NAALADL2: variants seen among roughly 807,000 people sequenced by gnomAD.
NAALADL2 encodes N-acetylated alpha-linked acidic dipeptidase like 2, also known as inactive N-acetylated-alpha-linked acidic dipeptidase-like protein 2.
NAALADL2 carries 76 observed loss-of-function variants against 87.2 expected under a neutral mutation model. That is an observed-to-expected ratio of 0.87 (90% CI 0.72 to 1.05). The LOEUF (loss-of-function observed/expected upper bound fraction) is 1.05, where lower values mean the gene tolerates loss of function less well. Ranked by LOEUF, NAALADL2 falls within the 50% of genes least tolerant of loss-of-function variation. NAALADL2 has a pLI of 0.00. For synonymous variants in NAALADL2, 354 were observed against 331.0 expected (o/e 1.07, Z -0.75); for missense variants, 1,089 against 945.8 (o/e 1.15, Z -1.99).
At chr3:174,900,258 G>A (rs550562912) in intron 1 of NAALADL2, among the ~76,000 whole-genome samples, 1 of 152,050 alleles carries the variant, frequency 6.6e-6, no homozygotes, top group African/African-American at 2.4e-5. Context: ...TCACAAAATT[G>A]GGTAGATATA....
At chr3:175,795,449 G>A (rs1753338666) in intron 13 of NAALADL2, among the ~76,000 whole-genome samples, 1 of 151,792 alleles carries the variant, frequency 6.6e-6, no homozygotes, top group Non-Finnish European at 1.5e-5. Flanking sequence ...CGAGGTAAGT[G>A]GATCACGAGG....
chr3:175,376,520 G>T (rs1225856015), intron 5 of NAALADL2, among the ~76,000 whole-genome samples: 1 of 152,050 alleles, frequency 6.6e-6, no homozygotes, highest in African/African-American at 2.4e-5. Flanking sequence ...GAAAGCAACT[G>T]TTTTATTCAG....
intron 1 of NAALADL2, among the ~76,000 whole-genome samples, chr3:174,461,913 A>AC (rs1209174939): frequency 6.6e-6 from 1 of 152,072 alleles, no homozygotes; most frequent in African/African-American, 2.4e-5. Flanking sequence ...AACACAAGTA[A>AC]CTTATCATCT....
In NAALADL2 at chr3:175,810,496, AATGTT is replaced by A. The variant is rs781779915; in HGVS notation, c.*7295_*7299del. On this transcript the variant is annotated 3_prime_UTR_variant, in exon 14 of 14. Transcript: ENST00000454872. ...ATAATTTTCATGAGTTTGTACGTGA[AATGTT>A]AATGTTTAAAACACCCATTTTGAAA... 12 of 151,882 alleles carry A rather than the reference AATGTT, an allele frequency of 7.9e-5. No individual in the cohort carries two copies. Among genetic ancestry groups the A allele is most frequent in the Admixed American group, 1.3e-4 (2 of 15,026 alleles). 9.4% of individuals were successfully genotyped at this position (151,882 alleles called of 1,614,324 possible).
intron 1 of NAALADL2, among the ~76,000 whole-genome samples, chr3:175,050,824 A>G (rs905121515): frequency 6.6e-6 from 1 of 152,204 alleles, no homozygotes; most frequent in East Asian, 1.9e-4. Context: ...ATGAGTGCAC[A>G]TAAGAGTTAA....
At chr3:174,661,482 C>T (rs1725497622) in intron 2 of NAALADL2, among the ~76,000 whole-genome samples, 1 of 152,058 alleles carries the variant, frequency 6.6e-6, no homozygotes, top group Non-Finnish European at 1.5e-5. Context: ...GGAACACTAC[C>T]TAAAAAGGAC....
chr3:174,609,509 A>T (rs946739005), intron 2 of NAALADL2, among the ~76,000 whole-genome samples: 17 of 152,282 alleles, frequency 1.1e-4, no homozygotes, highest in African/African-American at 3.9e-4. Context: ...AAGCATTCTT[A>T]TACACCAATA....
At chr3:174,477,086 A>C (rs1717263421) in intron 1 of NAALADL2, among the ~76,000 whole-genome samples, 1 of 152,032 alleles carries the variant, frequency 6.6e-6, no homozygotes, top group South Asian at 2.1e-4. Flanking sequence ...AACAAGTGTG[A>C]AACTCTGTCT....
At chr3:174,847,694 G>T (rs937550924) in intron 3 of NAALADL2, among the ~76,000 whole-genome samples, 4 of 151,866 alleles carry the variant, frequency 2.6e-5, no homozygotes, top group African/African-American at 9.7e-5. Flanking sequence ...CCATTTTATG[G>T]ATGATGAAAC....
chr3:174,665,068 T>C (rs1288195695), intron 2 of NAALADL2, among the ~76,000 whole-genome samples: 2 of 152,188 alleles, frequency 1.3e-5, no homozygotes, highest in East Asian at 3.9e-4. Flanking sequence ...AAACTCAGTC[T>C]TGTGGAAATT....
At chr3:175,148,082 AATGATAATG>A (rs1250231599) in intron 2 of NAALADL2, among the ~76,000 whole-genome samples, 1 of 83,976 alleles carries the variant, frequency 1.2e-5, no homozygotes, top group Non-Finnish European at 2.9e-5. Flanking sequence ...AAATAATAAT[AATGATAATG>A]ATAATAATAA....
chr3:174,972,996 C>CAAA (rs368649970), intron 1 of NAALADL2, among the ~76,000 whole-genome samples: 35 of 127,798 alleles, frequency 2.7e-4, no homozygotes, highest in African/African-American at 7.9e-4. Flanking sequence ...AACTCTGTCT[C>CAAA]AAAAAAAAAA....
At chr3:174,965,784 C>T (rs933635794) in intron 1 of NAALADL2, among the ~76,000 whole-genome samples, 1 of 151,926 alleles carries the variant, frequency 6.6e-6, no homozygotes, top group Non-Finnish European at 1.5e-5. Flanking sequence ...TACACAGTCA[C>T]ATAGAGTGGA....
chr3:174,690,519 G>C (rs1411426977), intron 2 of NAALADL2, among the ~76,000 whole-genome samples: 3 of 152,108 alleles, frequency 2.0e-5, no homozygotes, highest in Non-Finnish European at 4.4e-5. Context: ...TGTGCTTAGG[G>C]AACAGAAACT....
chr3:175,471,500 A>AG (rs1724876070), intron 8 of NAALADL2, 139 bp from the exon 9 acceptor site: 5 of 518,432 alleles, frequency 9.6e-6, no homozygotes, highest in Non-Finnish European at 6.6e-6. Flanking sequence ...AAAGAAAGAA[A>AG]GAAAAAAAAA....
intron 5 of NAALADL2, among the ~76,000 whole-genome samples, chr3:175,342,950 A>G (rs957684113): frequency 6.6e-6 from 1 of 152,098 alleles, no homozygotes. Flanking sequence ...AGTGAAATTT[A>G]GCATAATATT....
intron 1 of NAALADL2, among the ~76,000 whole-genome samples, chr3:174,513,225 G>A (rs1169933804): frequency 1.3e-5 from 2 of 152,116 alleles, no homozygotes; most frequent in African/African-American, 2.4e-5. Context: ...CTCCTGAAGT[G>A]CTGGGATTAC....
At chr3:174,667,383 G>A (rs1726058392) in intron 2 of NAALADL2, among the ~76,000 whole-genome samples, 1 of 151,980 alleles carries the variant, frequency 6.6e-6, no homozygotes, top group Non-Finnish European at 1.5e-5. Flanking sequence ...CAGAAAGTGG[G>A]CACTTTTAAA....
chr3:175,127,779 G>T (rs978937897), intron 2 of NAALADL2, among the ~76,000 whole-genome samples: 10 of 151,926 alleles, frequency 6.6e-5, no homozygotes, highest in Admixed American at 6.6e-4. Flanking sequence ...AACTACTCAG[G>T]GTACTGAGGC....
Sources: allele counts gnomAD v4.1 joint callset (sites outside exome capture counted in the v4.1 genomes callset), GRCh38; gene constraint gnomAD v4.1.1; transcripts MANE v1.5; gene names NCBI Gene and HGNC (gene_info 2026-07-23, HGNC 2026-07-21).